Variants in L3MBTL1 observed in about 807,000 individuals in gnomAD.
L3MBTL1 encodes the protein L3MBTL histone methyl-lysine binding protein 1.
A neutral mutation model predicts 105.3 loss-of-function variants in L3MBTL1; 75 were observed. The ratio of observed to expected loss-of-function variants is 0.71; its 90% CI spans 0.59 to 0.86. L3MBTL1 has a LOEUF of 0.86. Among genes scored for constraint, L3MBTL1 ranks in the 40% least tolerant of loss-of-function variants. The probability of loss-of-function intolerance (pLI) is 0.00; values close to 1 mark genes in which losing one functional copy is unlikely to be tolerated. For missense variants in L3MBTL1, 1,069 were observed against 1,126.4 expected, an observed-to-expected ratio of 0.95 and a Z score of 0.73; for synonymous variants, 452 against 436.2, an observed-to-expected ratio of 1.04 and a Z score of -0.45.
intron 6 of L3MBTL1, 192 bp from the exon 7 acceptor site, chr20:43,515,901 T>G (rs2018362473): frequency 1.7e-6 from 1 of 577,694 alleles, no homozygotes. Context: ...TGCATGCTCA[T>G]GTGAGTCTGT....
At position 43,534,931 on chromosome 20, in the gene L3MBTL1, A is replaced by G. The variant is rs1353021546; in HGVS notation, c.1814A>G (p.Gln605Arg). The G allele has an allele frequency of 6.3e-7, 1 of 1,595,892 alleles. No homozygotes were observed. Among genetic ancestry groups the G allele is most frequent in the East Asian group, 2.2e-5 (1 of 44,574 alleles). The change falls in exon 16 of 22, where the codon CAG becomes CGG. Residue 605 changes from glutamine to arginine, a missense_variant. Gln to Arg is a conservative substitution (Grantham distance 43). Coordinates refer to ENST00000418998, the MANE Select transcript of L3MBTL1 (RefSeq NM_001377303.1). ...TGCTCCAAGACAGGACATCCCCTGCAGCCTCCTCTCGGTGTGTACCCCTAG... is the reference window on the plus strand; with the variant it reads ...TGCTCCAAGACAGGACATCCCCTGCGGCCTCCTCTCGGTGTGTACCCCTAG... ...GWCSKTGHPL[Q>R]PPLGPREPSS... is the part of the protein sequence containing the mutation.
intron 7 of L3MBTL1, 60 bp from the exon 8 acceptor site, chr20:43,528,597 C>A (rs2071972): frequency 7.6e-7 from 1 of 1,316,438 alleles, no homozygotes; most frequent in Non-Finnish European, 1.1e-6. Flanking sequence ...CAGGGGAAGC[C>A]GAAGAAAGTC....
chr20:43,536,308 G>A lies in L3MBTL1; in HGVS notation c.2123+14G>A, dbSNP rs760029048. On this transcript the variant is annotated intron_variant, in intron 18 of 21. Transcript: ENST00000418998. ...CCATCACGGCCGGTATGGAGGCCAG[G>A]GAATCAGGGCCCGGGCTTCCTGGGG... 4.5e-5 allele frequency: 72 copies of A among 1,612,246 alleles called. No individual in the cohort carries two copies. The highest frequency in any genetic ancestry group is 5.8e-5 in the Non-Finnish European group (68 of 1,179,196).
intron 7 of L3MBTL1, among the ~76,000 whole-genome samples, chr20:43,516,851 T>C (rs938637890): frequency 3.3e-5 from 5 of 152,038 alleles, no homozygotes; most frequent in African/African-American, 1.2e-4. Flanking sequence ...TGGAGTAAAG[T>C]GGTGCAAACA....
rs754561956 is a variant in L3MBTL1 at position 43,530,372 on chromosome 20, C to T, written c.1145C>T (p.Pro382Leu). The change falls in exon 10 of 22, where the codon CCT becomes CTT. Residue 382 changes from proline (P) to leucine (L), a missense_variant. Physicochemically the swap from Pro to Leu is moderately conservative, Grantham distance 98. Coordinates refer to ENST00000418998, the MANE Select transcript of L3MBTL1 (RefSeq NM_001377303.1). ...WVNANSPDIHPAGWFEKTGHK... is the reference protein window; with the variant it reads ...WVNANSPDIHLAGWFEKTGHK... ...AATGCCAACTCCCCTGACATTCACC[C>T]TGCTGGCTGGTTCGAGAAGACGGGC... 6.2e-7 allele frequency: 1 copy of T among 1,614,224 alleles called. No homozygotes were observed. The highest frequency in any genetic ancestry group is 8.5e-7 in the Non-Finnish European group (1 of 1,180,028).
At position 43,541,089 on chromosome 20, in the gene L3MBTL1, G is replaced by T; in HGVS notation, c.2550G>T (p.Leu850Phe). 6.2e-7 allele frequency: 1 copy of T among 1,614,102 alleles called. No homozygotes were observed. The highest frequency in any genetic ancestry group is 8.5e-7 in the Non-Finnish European group (1 of 1,180,004). ...HSLLCSLPTH[L>F]LAKLSFASDS... ...TCCTCTGCTCTCTACCCACTCATTT[G>T]CTTGCCAAACTTAGCTTTGCCAGTG... The change falls in exon 22 of 22, where the codon TTG becomes TTT. Residue 850 changes from leucine (L) to phenylalanine (F), a missense_variant. Transcript: ENST00000418998.
At chr20:43,535,400 G>T (rs536136721) in intron 16 of L3MBTL1, among the ~76,000 whole-genome samples, 1 of 152,170 alleles carries the variant, frequency 6.6e-6, no homozygotes, top group African/African-American at 2.4e-5. Context: ...TGCTGCAACC[G>T]TGTTTGTCTC....
downstream of L3MBTL1, among the ~76,000 whole-genome samples, chr20:43,543,095 T>C (rs934024840): frequency 1.4e-5 from 2 of 144,360 alleles, no homozygotes; most frequent in Non-Finnish European, 3.1e-5. Flanking sequence ...AGTGAGTACT[T>C]GCACCACTGA....
At chr20:43,514,850 G>A in intron 4 of L3MBTL1, 74 bp downstream of exon 4, 1 of 1,464,462 alleles carries the variant, frequency 6.8e-7, no homozygotes, top group Non-Finnish European at 9.1e-7. Flanking sequence ...CAGAAGGTTC[G>A]GGGGCGGGGC....
intron 7 of L3MBTL1, among the ~76,000 whole-genome samples, chr20:43,527,956 G>A (rs73618899): frequency 0.11 from 16,475 of 151,994 alleles, 1,098 homozygotes; most frequent in East Asian, 0.32. Context: ...GCAGTGGTGC[G>A]ATCTTGGCTC....
chr20:43,536,245 A>G lies in L3MBTL1; in HGVS notation c.2074A>G (p.Lys692Glu). ...TGACTCGGAGGCCTCAGCCCGCAAG[A>G]AGAACCTCTCAGGCTTCTCCCCAAG... ...LSDSEASARK[K>E]NLSGFSPRKK... Residue 692 changes from lysine to glutamate, a missense_variant, in exon 18 of 22, where the codon AAG (lysine) becomes GAG (glutamate). Transcript: ENST00000418998. The G allele has an allele frequency of 6.2e-7, 1 of 1,612,534 alleles. No homozygotes were observed. The highest frequency in any genetic ancestry group is 8.5e-7 in the Non-Finnish European group (1 of 1,179,614).
At chr20:43,539,978 G>C in intron 19 of L3MBTL1, 173 bp from the exon 20 acceptor site, 1 of 706,392 alleles carries the variant, frequency 1.4e-6, no homozygotes, top group Non-Finnish European at 2.5e-6. Flanking sequence ...AGTGAACACT[G>C]TGTGAGGAGT....
chr20:43,523,651 A>G (rs952382538), intron 7 of L3MBTL1: 1 of 193,248 alleles, frequency 5.2e-6, no homozygotes, highest in Admixed American at 5.1e-5. Context: ...GAAGGTCTGT[A>G]CTGGTCAACA....
chr20:43,548,139 T>C (rs774845217), exon 19 of L3MBTL1: 1 of 1,304,208 alleles, frequency 7.7e-7, no homozygotes. Flanking sequence ...TTCCTTTTGC[T>C]GACACAGGCG....
exon 19 of L3MBTL1, chr20:43,548,916 C>G (rs1023599638): frequency 6.6e-6 from 1 of 152,262 alleles, no homozygotes; most frequent in East Asian, 1.9e-4. Context: ...AGCCAAGATG[C>G]CTTCCTGAAC....
At chr20:43,516,782 T>A (rs954115427) in intron 7 of L3MBTL1, among the ~76,000 whole-genome samples, 1 of 152,162 alleles carries the variant, frequency 6.6e-6, no homozygotes, top group Non-Finnish European at 1.5e-5. Context: ...TTTTCTTTTT[T>A]AAAATTTTTT....
chr20:43,515,769 C>T, intron 6 of L3MBTL1: 1 of 441,738 alleles, frequency 2.3e-6, no homozygotes, highest in Non-Finnish European at 4.2e-6. Context: ...GCTGCAGAAG[C>T]TGGAAGGGAC....
chr20:43,532,209 T>G (rs1234645328), intron 11 of L3MBTL1: 1 of 152,376 alleles, frequency 6.6e-6, no homozygotes, highest in Non-Finnish European at 1.5e-5. Context: ...GAATGCCGAC[T>G]TTTAATTCAA....
intron 7 of L3MBTL1, among the ~76,000 whole-genome samples, chr20:43,518,055 A>T (rs1482993295): frequency 6.6e-6 from 1 of 152,134 alleles, no homozygotes; most frequent in Non-Finnish European, 1.5e-5. Flanking sequence ...ATAAATCAAC[A>T]TTCTTTTAGC....
Sources: allele counts gnomAD v4.1 joint callset (sites outside exome capture counted in the v4.1 genomes callset), GRCh38; gene constraint gnomAD v4.1.1; transcripts MANE v1.5; gene names NCBI Gene and HGNC (gene_info 2026-07-23, HGNC 2026-07-21).